The following TTC27 variants were observed in gnomAD, a reference collection of about 807,000 sequenced individuals.
TTC27 encodes the protein tetratricopeptide repeat domain 27.
A neutral mutation model predicts 115.9 loss-of-function variants in TTC27; 79 were observed. That is an observed-to-expected ratio of 0.68 (90% CI 0.57 to 0.82). The LOEUF is 0.82. Among genes scored for constraint, TTC27 ranks in the 40% least tolerant of loss-of-function variants. TTC27 has a pLI of 0.00. For missense variants in TTC27, 1,054 were observed against 993.1 expected (o/e 1.06, Z -0.82); for synonymous variants, 401 against 356.0 (o/e 1.13, Z -1.42).
chr2:32,813,028 G>T (rs913559702), intron 18 of TTC27, among the ~76,000 whole-genome samples: 1 of 152,060 alleles, frequency 6.6e-6, no homozygotes. Context: ...ATATACAAAA[G>T]AAATATAAAA....
At chr2:32,731,056 G>T (rs6543672) in intron 10 of TTC27, among the ~76,000 whole-genome samples, 120,667 of 152,172 alleles carry the variant, frequency 0.79, 48,058 homozygotes, top group Middle Eastern at 0.9. Context: ...GAGTTCCGTT[G>T]CGTGTGTATG....
At chr2:32,696,412 C>T (rs1237743617) in intron 9 of TTC27, among the ~76,000 whole-genome samples, 6 of 151,874 alleles carry the variant, frequency 4.0e-5, no homozygotes, top group South Asian at 2.1e-4. Flanking sequence ...ACCTCAGCCT[C>T]CCGGGTAGCT....
chr2:32,725,651 C>T (rs760434131), intron 10 of TTC27, among the ~76,000 whole-genome samples: 31 of 152,254 alleles, frequency 2.0e-4, no homozygotes, highest in African/African-American at 5.8e-4. Flanking sequence ...TCCAGGCACA[C>T]GGTGCAAGAT....
At chr2:32,646,964 TTTTG>T (rs1051276333) in intron 4 of TTC27, among the ~76,000 whole-genome samples, 6 of 151,892 alleles carry the variant, frequency 4.0e-5, no homozygotes, top group African/African-American at 1.2e-4. Context: ...ATATGTTTTT[TTTTG>T]TTTGTTTTTT....
At chr2:32,755,588 G>A (rs1669205107) in intron 12 of TTC27, among the ~76,000 whole-genome samples, 1 of 151,290 alleles carries the variant, frequency 6.6e-6, no homozygotes, top group African/African-American at 2.4e-5. Flanking sequence ...AGAGGGAGAG[G>A]GAGACGGTGG....
intron 11 of TTC27, among the ~76,000 whole-genome samples, chr2:32,734,910 T>A (rs767056407): frequency 2.6e-5 from 4 of 152,214 alleles, no homozygotes; most frequent in Admixed American, 6.5e-5. Context: ...ATTGCAACAA[T>A]TTTTAAAAAT....
intron 5 of TTC27, among the ~76,000 whole-genome samples, chr2:32,657,468 C>G (rs1665372351): frequency 6.6e-6 from 1 of 151,532 alleles, no homozygotes; most frequent in African/African-American, 2.4e-5. Context: ...ATTCTCCTGC[C>G]TCAGCCTCCC....
intron 11 of TTC27, among the ~76,000 whole-genome samples, chr2:32,734,261 C>T (rs923733619): frequency 7.9e-5 from 12 of 151,864 alleles, no homozygotes; most frequent in African/African-American, 2.9e-4. Flanking sequence ...TGTGGCGATT[C>T]ACGGGTGTGA....
At chr2:32,795,355 T>C (rs1314672393) in intron 16 of TTC27, among the ~76,000 whole-genome samples, 1 of 151,910 alleles carries the variant, frequency 6.6e-6, no homozygotes, top group Non-Finnish European at 1.5e-5. Context: ...AAATCTCACC[T>C]GATTATCTCA....
chr2:32,648,660 A>T (rs1664963240), intron 4 of TTC27, among the ~76,000 whole-genome samples: 1 of 152,102 alleles, frequency 6.6e-6, no homozygotes, highest in South Asian at 2.1e-4. Flanking sequence ...AGCATCAGCG[A>T]ATAAAAGAAA....
rs1218076400 is a variant in TTC27, at chr2:32,631,070, G to A, written c.266+370G>A. Among the ~76,000 whole-genome samples the A allele has an allele frequency of 1.4e-4, 22 of 152,148 alleles. 1 individual carries two copies. The highest frequency in any genetic ancestry group is 5.9e-4 in the Admixed American group (9 of 15,260). ...TGTAGTCCCAGTGCTTTCGGAGGCC[G>A]AGGCGGGCGGATCACATGAGGTCAG... On this transcript the variant is annotated intron_variant, in intron 2 of 19. Transcript: ENST00000317907.
rs377242936 is a variant in TTC27 at position 32,812,668 on chromosome 2, GA to G, written c.2308+54del. On this transcript the variant is annotated intron_variant, in intron 18 of 19. Transcript: ENST00000317907. ...GGAATGTTTTGACTTATTTTCTACT[GA>G]CAGAAAAGAGTGTTGGTCAAAAGTA... The G allele has an allele frequency of 1.1e-3, 1,468 of 1,339,490 alleles. 17 individuals carry two copies. The African/African-American group carries it at 0.019, about 17-fold the overall frequency. The allele number at this position is 1,339,490 out of a possible 1,614,324, so 83.0% of individuals were successfully genotyped here.
At chr2:32,647,575 G>C (rs569319945) in intron 4 of TTC27, among the ~76,000 whole-genome samples, 1 of 152,320 alleles carries the variant, frequency 6.6e-6, no homozygotes, top group South Asian at 2.1e-4. Flanking sequence ...CATCACGGTT[G>C]TAGTAGTTGT....
At chr2:32,669,751 T>C (rs1392738802) in intron 7 of TTC27, among the ~76,000 whole-genome samples, 2 of 151,270 alleles carry the variant, frequency 1.3e-5, no homozygotes, top group Admixed American at 1.3e-4. Context: ...CCGGGCGTGG[T>C]GGTGTGTGCC....
Position 32,742,979 on chromosome 2 carries a change from C to T in TTC27, c.1452+6163C>T, listed in dbSNP as rs79691412. On this transcript the variant is annotated intron_variant, in intron 12 of 19. Transcript: ENST00000317907. ...TGGGGAACCTTAAATTCTTAGCCTG[C>T]TTTTTCTCCATTCTCTTGGAGCAAA... Among the ~76,000 whole-genome samples, 653 of 152,256 alleles carry T rather than the reference C, an allele frequency of 4.3e-3. 8 individuals are homozygous for T. The highest frequency in any genetic ancestry group is 0.015 in the African/African-American group (633 of 41,556).
chr2:32,713,431 G>A (rs938770255), intron 10 of TTC27, among the ~76,000 whole-genome samples: 1 of 152,102 alleles, frequency 6.6e-6, no homozygotes, highest in Admixed American at 6.5e-5. Flanking sequence ...ACTTAGTTCA[G>A]TCTTTGGAGA....
At chr2:32,728,204 C>A (rs1351567283) in intron 10 of TTC27, among the ~76,000 whole-genome samples, 2 of 152,052 alleles carry the variant, frequency 1.3e-5, no homozygotes, top group African/African-American at 2.4e-5. Context: ...CCACGCCCGG[C>A]TAATTTTTTT....
At chr2:32,691,963 G>A (rs1371590992) in intron 9 of TTC27, among the ~76,000 whole-genome samples, 2 of 149,716 alleles carry the variant, frequency 1.3e-5, no homozygotes, top group African/African-American at 2.4e-5. Context: ...TAAGTACATG[G>A]TTGCAAATGG....
At chr2:32,660,150 T>C (rs1354840070) in intron 5 of TTC27, among the ~76,000 whole-genome samples, 1 of 152,232 alleles carries the variant, frequency 6.6e-6, no homozygotes, top group Non-Finnish European at 1.5e-5. Flanking sequence ...AAAGTGTTCC[T>C]ACTTCTCCAC....
Sources: allele counts gnomAD v4.1 joint callset (sites outside exome capture counted in the v4.1 genomes callset), GRCh38; gene constraint gnomAD v4.1.1; transcripts MANE v1.5; gene names NCBI Gene and HGNC (gene_info 2026-07-23, HGNC 2026-07-21).